Variants in LPP observed in about 807,000 individuals in gnomAD.
The protein encoded by LPP is lipoma-preferred partner.
A neutral mutation model predicts 60.4 loss-of-function variants in LPP; 38 were observed. The ratio of observed to expected loss-of-function variants is 0.63; its 90% confidence interval spans 0.49 to 0.83. The LOEUF (loss-of-function observed/expected upper bound fraction) is 0.83. Among genes scored for constraint, LPP ranks in the 40% least tolerant of loss-of-function variants. The pLI, the probability that LPP is intolerant of heterozygous loss-of-function variation, is 0.00. For missense variants in LPP, 902 were observed against 783.6 expected (o/e 1.15, Z -1.80); for synonymous variants, 328 against 290.8 (o/e 1.13, Z -1.30).
intron 4 of LPP, among the ~76,000 whole-genome samples, chr3:188,482,205 G>T (rs1396978138): frequency 6.6e-6 from 1 of 152,134 alleles, no homozygotes; most frequent in Non-Finnish European, 1.5e-5. Flanking sequence ...TTCCTGTCAA[G>T]GCTGCAGAAC....
chr3:188,795,129 G>A (rs896774537), intron 9 of LPP, among the ~76,000 whole-genome samples: 5 of 152,016 alleles, frequency 3.3e-5, no homozygotes, highest in Non-Finnish European at 5.9e-5. Flanking sequence ...GCAAAACTCC[G>A]TCTCAAAAAC....
rs556195667 is a variant in LPP at position 188,758,256 on chromosome 3, G to C, written c.1241-1857G>C. ...GCTCACTGCAACCTCTGCCTCCCGG[G>C]TTCAAGCGATTCTCCTGCCTCAGCC... is the stretch of plus-strand genomic sequence containing the variant. On this transcript the variant is annotated intron_variant, in intron 8 of 11. Transcript: ENST00000617246. 2.2e-3 allele frequency among the ~76,000 whole-genome samples: 328 copies of C among 152,264 alleles called. 1 individual carries two copies. Among genetic ancestry groups the C allele is most frequent in the Non-Finnish European group, 3.9e-3 (267 of 68,026 alleles).
intron 5 of LPP, among the ~76,000 whole-genome samples, chr3:188,518,677 C>T (rs1818057670): frequency 6.6e-6 from 1 of 152,178 alleles, no homozygotes; most frequent in Non-Finnish European, 1.5e-5. Flanking sequence ...GTATGGTTGT[C>T]TACCTCAGAG....
At chr3:188,534,605 A>C (rs1047809425) in intron 6 of LPP, among the ~76,000 whole-genome samples, 2 of 152,178 alleles carry the variant, frequency 1.3e-5, no homozygotes, top group African/African-American at 4.8e-5. Context: ...ACACAAGTCT[A>C]GCTATGTTTT....
At chr3:188,840,902 G>A (rs890438048) in intron 9 of LPP, among the ~76,000 whole-genome samples, 2 of 152,114 alleles carry the variant, frequency 1.3e-5, no homozygotes, top group Non-Finnish European at 1.5e-5. Flanking sequence ...GCAAGCTGGG[G>A]TTCATTTTAC....
intron 6 of LPP, among the ~76,000 whole-genome samples, chr3:188,558,526 T>C (rs1021556581): frequency 1.2e-4 from 18 of 152,186 alleles, no homozygotes; most frequent in Middle Eastern, 3.4e-3. Flanking sequence ...AAATTGTGAA[T>C]TGTAGGAAGT....
At chr3:188,768,693 AG>A (rs1403563479) in intron 9 of LPP, among the ~76,000 whole-genome samples, 1 of 152,218 alleles carries the variant, frequency 6.6e-6, no homozygotes, top group Non-Finnish European at 1.5e-5. Context: ...ATAATGACAA[AG>A]GTCCATGTAC....
At chr3:188,161,565 T>C (rs975752558) in intron 1 of LPP, among the ~76,000 whole-genome samples, 3 of 152,162 alleles carry the variant, frequency 2.0e-5, no homozygotes, top group African/African-American at 7.2e-5. Flanking sequence ...TCCCTTGTTA[T>C]ACAGATGAGG....
intron 6 of LPP, among the ~76,000 whole-genome samples, chr3:188,595,603 C>A (rs1381265219): frequency 2.0e-5 from 3 of 152,088 alleles, no homozygotes; most frequent in South Asian, 4.1e-4. Flanking sequence ...TTTTTAGTAC[C>A]CCAAATTCTA....
chr3:188,607,418 A>ATATATAT (rs1842732460), intron 6 of LPP, among the ~76,000 whole-genome samples: 1 of 38,496 alleles, frequency 2.6e-5, no homozygotes, highest in Non-Finnish European at 8.0e-5. Context: ...TATATATATA[A>ATATATAT]TTTTTTTTTC....
intron 3 of LPP, among the ~76,000 whole-genome samples, chr3:188,377,723 G>T (rs543004053): frequency 6.6e-6 from 1 of 152,122 alleles, no homozygotes; most frequent in South Asian, 2.1e-4. Flanking sequence ...GTCATTCTCC[G>T]TCCAGCTTTA....
At chr3:188,250,730 CT>C (rs747031515) in intron 2 of LPP, among the ~76,000 whole-genome samples, 1 of 56,178 alleles carries the variant, frequency 1.8e-5, no homozygotes, top group South Asian at 7.6e-4. Context: ...TTCTCTCTTT[CT>C]TTCTTTCTTT....
intron 2 of LPP, among the ~76,000 whole-genome samples, chr3:188,264,796 GTCTC>G (rs386398830): frequency 6.6e-6 from 1 of 151,696 alleles, no homozygotes; most frequent in African/African-American, 2.4e-5. Flanking sequence ...CTCTGTGTGT[GTCTC>G]TCTCTCTTTC....
chr3:188,433,753 GGAGA>G (rs754290868), intron 4 of LPP, among the ~76,000 whole-genome samples: 1 of 148,200 alleles, frequency 6.7e-6, no homozygotes, highest in East Asian at 2.0e-4. Flanking sequence ...GAGACAGGAG[GGAGA>G]GAGAGAGAGA....
At chr3:188,640,846 A>C (rs1461629416) in intron 7 of LPP, among the ~76,000 whole-genome samples, 1 of 152,208 alleles carries the variant, frequency 6.6e-6, no homozygotes, top group African/African-American at 2.4e-5. Context: ...TGATAACACA[A>C]CTGATTATTG....
chr3:188,878,905 T>C lies in LPP; in HGVS notation c.*4426T>C, dbSNP rs940291635. On this transcript the variant is annotated 3_prime_UTR_variant, in exon 12 of 12. Transcript: ENST00000617246. ...AGTAAAACATTTTTATGCCAGAAGG[T>C]GATATAATGGATGTTAGTGTTTTTT... 9 of 223,884 alleles carry C rather than the reference T, an allele frequency of 4.0e-5. No individual in the cohort carries two copies. Among genetic ancestry groups the C allele is most frequent in the African/African-American group, 1.6e-4 (7 of 44,824 alleles). 13.9% of individuals were successfully genotyped at this position (223,884 alleles called of 1,614,324 possible).
chr3:188,644,111 GC>G (rs1437095386), intron 7 of LPP, among the ~76,000 whole-genome samples: 1 of 152,126 alleles, frequency 6.6e-6, no homozygotes, highest in Admixed American at 6.5e-5. Context: ...AGGTAAGATC[GC>G]TTATTCTGTG....
intron 9 of LPP, among the ~76,000 whole-genome samples, chr3:188,839,121 T>C (rs1260656496): frequency 6.6e-6 from 1 of 152,144 alleles, no homozygotes; most frequent in Non-Finnish European, 1.5e-5. Context: ...CACCAAATAG[T>C]ATTTCTTCTT....
intron 6 of LPP, among the ~76,000 whole-genome samples, chr3:188,534,151 C>G (rs1822945168): frequency 6.6e-6 from 1 of 152,162 alleles, no homozygotes; most frequent in African/African-American, 2.4e-5. Flanking sequence ...GGCAGCTGAG[C>G]AGATAGCTGC....
Sources: gnomAD v4.1 joint callset for allele counts (sites outside exome capture counted in the v4.1 genomes callset) on GRCh38, gnomAD v4.1.1 for gene constraint, MANE v1.5 for transcripts, NCBI Gene and HGNC (gene_info 2026-07-23, HGNC 2026-07-21) for gene names.